KCNQ5: variants seen among roughly 807,000 people sequenced by gnomAD.
KCNQ5 encodes the protein potassium voltage-gated channel subfamily Q member 5.
In KCNQ5, 30 loss-of-function variants were observed where a neutral mutation model predicts 98.2. The ratio of observed to expected loss-of-function variants is 0.31; its 90% CI spans 0.23 to 0.41. The LOEUF (loss-of-function observed/expected upper bound fraction) is 0.41, where lower values mean the gene tolerates loss of function less well. Ranked by LOEUF, KCNQ5 falls within the 10% of genes least tolerant of loss-of-function variation. The pLI, the probability that KCNQ5 is intolerant of heterozygous loss-of-function variation, is 1.00. For missense variants in KCNQ5, 835 were observed against 1,182.5 expected (o/e 0.71, Z 4.31); for synonymous variants, 458 against 449.4 (o/e 1.02, Z -0.24).
intron 1 of KCNQ5, among the ~76,000 whole-genome samples, chr6:72,693,785 C>A (rs1042318660): frequency 1.7e-4 from 26 of 152,094 alleles, no homozygotes; most frequent in African/African-American, 6.3e-4. Context: ...TGGAGAGAGA[C>A]ACTTATATTA....
intron 1 of KCNQ5, among the ~76,000 whole-genome samples, chr6:72,746,475 GGGT>G (rs1351140311): frequency 1.1e-4 from 17 of 152,278 alleles, no homozygotes; most frequent in Non-Finnish European, 2.9e-5. Context: ...TAGTGATCAA[GGGT>G]GAGTCAGGGA....
Position 73,090,253 on chromosome 6 carries a change from G to A in KCNQ5, c.918+12366G>A, listed in dbSNP as rs182546149. 4.8e-3 allele frequency among the ~76,000 whole-genome samples: 723 copies of A among 151,940 alleles called. 4 individuals are homozygous for A. The highest frequency in any genetic ancestry group is 0.012 in the Admixed American group (179 of 15,254). On this transcript the variant is annotated intron_variant, in intron 5 of 13. Transcript: ENST00000370398. ...ATGTCCTTAGCCCACTTTTTGATGG[G>A]ATTGTTTGTTTTTTTCATGTTGATT...
At chr6:72,869,293 C>G (rs1278380519) in intron 1 of KCNQ5, among the ~76,000 whole-genome samples, 2 of 152,192 alleles carry the variant, frequency 1.3e-5, no homozygotes, top group Non-Finnish European at 2.9e-5. Flanking sequence ...GGAATTCCTT[C>G]TATCCCGGAC....
intron 1 of KCNQ5, among the ~76,000 whole-genome samples, chr6:72,979,600 C>G (rs1024753747): frequency 3.3e-5 from 5 of 152,120 alleles, no homozygotes; most frequent in African/African-American, 1.2e-4. Flanking sequence ...GGGTAGATTG[C>G]AAAAATTTTC....
chr6:72,636,931 C>T (rs145485222), intron 1 of KCNQ5, among the ~76,000 whole-genome samples: 8 of 152,328 alleles, frequency 5.3e-5, no homozygotes, highest in African/African-American at 1.7e-4. Context: ...TACAGAACTG[C>T]TGATTGCCAG....
At position 72,974,407 on chromosome 6, in the gene KCNQ5, A is replaced by T. The variant is rs1768055494; in HGVS notation, c.399-29501A>T. 5.4e-5 allele frequency among the ~76,000 whole-genome samples: 8 copies of T among 147,320 alleles called. No individual in the cohort carries two copies. The South Asian group carries it at 1.7e-3, about 31-fold the overall frequency. On this transcript the variant is annotated intron_variant, in intron 1 of 13. Transcript: ENST00000370398. ...TGGCAAAAAAAAAAAAAAGGCCTAG[A>T]CTCTCTTATGGCAAGAAGTGGAAAA... is the stretch of plus-strand genomic sequence containing the variant.
intron 1 of KCNQ5, among the ~76,000 whole-genome samples, chr6:72,838,009 T>G (rs896097259): frequency 1.3e-5 from 2 of 152,038 alleles, no homozygotes; most frequent in Admixed American, 1.3e-4. Flanking sequence ...ACGTGCAGGT[T>G]TGTTACATAT....
At chr6:73,008,998 T>G (rs2150327806) in intron 2 of KCNQ5, among the ~76,000 whole-genome samples, 1 of 152,270 alleles carries the variant, frequency 6.6e-6, no homozygotes, top group South Asian at 2.1e-4. Flanking sequence ...TTGTTTTATT[T>G]TTTTTTCTTG....
intron 3 of KCNQ5, among the ~76,000 whole-genome samples, chr6:73,046,537 G>A (rs990533439): frequency 6.6e-6 from 1 of 150,784 alleles, no homozygotes; most frequent in East Asian, 1.9e-4. Context: ...TATAAATATG[G>A]TCTTATTTAA....
At chr6:72,954,752 A>C (rs977793691) in intron 1 of KCNQ5, among the ~76,000 whole-genome samples, 3 of 152,184 alleles carry the variant, frequency 2.0e-5, no homozygotes, top group Non-Finnish European at 4.4e-5. Context: ...TTGGCAGAAT[A>C]AGTTAGTTTA....
intron 1 of KCNQ5, among the ~76,000 whole-genome samples, chr6:72,914,680 C>G (rs767874277): frequency 6.6e-6 from 1 of 151,476 alleles, no homozygotes; most frequent in Non-Finnish European, 1.5e-5. Context: ...AAAGAAGCAT[C>G]GAGCCCTCAA....
At chr6:72,822,984 G>A (rs930197836) in intron 1 of KCNQ5, among the ~76,000 whole-genome samples, 1 of 151,940 alleles carries the variant, frequency 6.6e-6, no homozygotes, top group Admixed American at 6.6e-5. Flanking sequence ...CTTTTTACGA[G>A]GATCATTGTG....
chr6:73,058,176 G>A lies in KCNQ5; in HGVS notation c.616+16114G>A, dbSNP rs150785968. ...GCCTGTAATTCCAGCACTTTGGGAG[G>A]CCGAGGCAGGCGGATCACGAGGTCA... On this transcript the variant is annotated intron_variant, in intron 3 of 13. Coordinates refer to ENST00000370398, the MANE Select transcript of KCNQ5 (RefSeq NM_019842.4). 2.9e-4 allele frequency among the ~76,000 whole-genome samples: 44 copies of A among 152,300 alleles called. No individual in the cohort carries two copies. In the East Asian group the frequency reaches 8.3e-3, roughly 29 times the overall value.
chr6:73,129,258 C>T (rs1034901095), intron 9 of KCNQ5, among the ~76,000 whole-genome samples: 3 of 152,310 alleles, frequency 2.0e-5, no homozygotes, highest in Non-Finnish European at 2.9e-5. Context: ...AAATAAGAAA[C>T]GTACTTTTCT....
At chr6:73,126,143 A>T (rs1393019245) in intron 9 of KCNQ5, among the ~76,000 whole-genome samples, 1 of 152,162 alleles carries the variant, frequency 6.6e-6, no homozygotes, top group Non-Finnish European at 1.5e-5. Flanking sequence ...AAAAGCTTTC[A>T]TTGTCTCAGG....
intron 1 of KCNQ5, chr6:72,986,810 A>G (rs1296627586): frequency 1.5e-6 from 2 of 1,336,552 alleles, no homozygotes; most frequent in African/African-American, 2.9e-5. Context: ...CAAATAACAC[A>G]AGAAGGAAAC....
intron 5 of KCNQ5, among the ~76,000 whole-genome samples, chr6:73,078,294 G>A (rs1773619017): frequency 6.6e-6 from 1 of 151,968 alleles, no homozygotes; most frequent in Admixed American, 6.6e-5. Context: ...TGGAAGCTGT[G>A]AATAAAATTG....
chr6:72,773,236 GC>G (rs1772993393), intron 1 of KCNQ5, among the ~76,000 whole-genome samples: 2 of 152,060 alleles, frequency 1.3e-5, no homozygotes, highest in African/African-American at 4.8e-5. Context: ...CAACCCAAAT[GC>G]CCATCAGTGA....
intron 1 of KCNQ5, among the ~76,000 whole-genome samples, chr6:72,960,298 TTATTTGTGAAATAAACATC>T (rs1360832686): frequency 2.0e-5 from 3 of 152,240 alleles, no homozygotes; most frequent in Non-Finnish European, 4.4e-5. Context: ...ATAAAAATAT[TTATTTGTGAAATAAACATC>T]TCCAGTCCCT....
Sources: gnomAD v4.1 joint callset for allele counts (sites outside exome capture counted in the v4.1 genomes callset) on GRCh38, gnomAD v4.1.1 for gene constraint, MANE v1.5 for transcripts, NCBI Gene and HGNC (gene_info 2026-07-23, HGNC 2026-07-21) for gene names.